GINM1: variants seen among roughly 807,000 people sequenced by gnomAD.
GINM1 encodes glycosylated integral membrane protein 1.
GINM1 carries 29 observed loss-of-function variants against 37.8 expected under a neutral mutation model. The ratio of observed to expected loss-of-function variants is 0.77; its 90% CI spans 0.57 to 1.05. The LOEUF is 1.05. Ranked by LOEUF, GINM1 falls within the 50% of genes least tolerant of loss-of-function variation. The pLI, the probability that GINM1 is intolerant of heterozygous loss-of-function variation, is 0.00. For synonymous variants in GINM1, 143 were observed against 146.2 expected (o/e 0.98, Z 0.16); for missense variants, 377 against 397.9 (o/e 0.95, Z 0.45).
intron 1 of GINM1, among the ~76,000 whole-genome samples, chr6:149,570,736 A>G (rs562554115): frequency 6.6e-6 from 1 of 152,284 alleles, no homozygotes; most frequent in Admixed American, 6.5e-5. Flanking sequence ...CAGTTTTCCT[A>G]TTTTCTAAGT....
Position 149,566,909 on chromosome 6 carries a change from C to G in GINM1, c.120+375C>G, listed in dbSNP as rs1777728806. On this transcript the variant is annotated intron_variant, in intron 1 of 7. Coordinates refer to ENST00000367419, the MANE Select transcript of GINM1 (RefSeq NM_138785.5). The surrounding 1 kb of genome is among the most constrained non-coding windows in gnomAD (Gnocchi z 4.4). ...CTTGGGCAAGGAATGTTTGTGTGCT[C>G]GGGAAGTGTGGAAGTTGCCCACTTC... Among the ~76,000 whole-genome samples, 1 of 152,224 alleles carries G rather than the reference C, an allele frequency of 6.6e-6. No individual in the cohort carries two copies. The highest frequency in any genetic ancestry group is 1.9e-4 in the East Asian group (1 of 5,196).
chr6:149,574,954 C>T (rs1385227514), intron 3 of GINM1, among the ~76,000 whole-genome samples: 2 of 152,142 alleles, frequency 1.3e-5, no homozygotes, highest in Non-Finnish European at 2.9e-5. Flanking sequence ...CACTTAAATT[C>T]CATTTATTCC....
chr6:149,573,441 A>ACAGAT (rs1777860533), intron 3 of GINM1, among the ~76,000 whole-genome samples: 1 of 152,236 alleles, frequency 6.6e-6, no homozygotes, highest in African/African-American at 2.4e-5. Flanking sequence ...AAACACACAC[A>ACAGAT]CAGATCATTA....
chr6:149,590,856 T>C lies in GINM1; in HGVS notation c.*18T>C. On this transcript the variant is annotated 3_prime_UTR_variant, in exon 8 of 8. Transcript: ENST00000367419. Reference sequence around the variant, plus strand: ...GTATTTAAAACGCCATCTCATATCATGGACTCCGAAGTAGCCTGTTGCCTC... The same window carrying C: ...GTATTTAAAACGCCATCTCATATCACGGACTCCGAAGTAGCCTGTTGCCTC... 8.2e-7 allele frequency: 1 copy of C among 1,216,844 alleles called. No individual in the cohort carries two copies. The highest frequency in any genetic ancestry group is 1.2e-6 in the Non-Finnish European group (1 of 826,140). The allele number at this position is 1,216,844 out of a possible 1,614,324, so 75.4% of individuals were successfully genotyped here. A position where few individuals can be genotyped will look rare whatever the true frequency, so the allele number is the denominator to read the frequency against.
intron 6 of GINM1, chr6:149,582,068 A>G (rs1386733047): frequency 2.1e-6 from 1 of 474,274 alleles, no homozygotes; most frequent in African/African-American, 2.0e-5. Flanking sequence ...AGGTACTGGA[A>G]ACAGTTGACT....
At position 149,566,653 on chromosome 6, in the gene GINM1, C is replaced by T. The variant is rs1215933145; in HGVS notation, c.120+119C>T. 4 of 1,307,862 alleles carry T rather than the reference C, an allele frequency of 3.1e-6. No individual in the cohort carries two copies. The highest frequency in any genetic ancestry group is 4.0e-6 in the Non-Finnish European group (4 of 1,007,844). The allele number at this position is 1,307,862 out of a possible 1,614,324, so 81.0% of individuals were successfully genotyped here. On this transcript the variant is annotated intron_variant, in intron 1 of 7. Transcript: ENST00000367419. This position sits in a 1 kb window ranked among gnomAD's most constrained non-coding sequence, Gnocchi z 4.4. ...GGGCAGGGGCGGGGGTCCGGGCCCC[C>T]GAAGGAGGTGTGGGGAGAAGCACCC...
At chr6:149,589,094 G>A (rs893587481) in intron 7 of GINM1, among the ~76,000 whole-genome samples, 8 of 150,994 alleles carry the variant, frequency 5.3e-5, no homozygotes, top group South Asian at 2.1e-4. Flanking sequence ...GTGAGCCACC[G>A]TGCCCAGCCA....
intron 1 of GINM1, among the ~76,000 whole-genome samples, chr6:149,568,777 G>A (rs139087796): frequency 6.6e-6 from 1 of 152,238 alleles, no homozygotes; most frequent in East Asian, 1.9e-4. Flanking sequence ...TTTTATGTAT[G>A]CAGTTGTCAG....
At chr6:149,584,643 AACC>A (rs2115062196) in intron 7 of GINM1, 1 of 152,264 alleles carries the variant, frequency 6.6e-6, no homozygotes, top group African/African-American at 2.4e-5. Context: ...AAATGCTTAG[AACC>A]AAAAGTGTTT....
Position 149,578,899 on chromosome 6 carries a change from T to A in GINM1, c.355T>A (p.Trp119Arg), listed in dbSNP as rs148558124. 3.6e-5 allele frequency: 58 copies of A among 1,602,636 alleles called. No homozygotes were observed. Among genetic ancestry groups the A allele is most frequent in the Middle Eastern group, 1.7e-4 (1 of 6,034 alleles). Residue 119 changes from tryptophan (W) to arginine (R), a missense_variant, in exon 4 of 8, where the codon TGG becomes AGG. Physicochemically the swap from Trp to Arg is moderately radical, Grantham distance 101. Coordinates refer to ENST00000367419, the MANE Select transcript of GINM1 (RefSeq NM_138785.5). Reference protein sequence around the residue: ...IVSVRILVHEWPMTSGSSLQL... With the variant: ...IVSVRILVHERPMTSGSSLQL... ...CAGTGTAAGGATTTTAGTTCATGAG[T>A]GGCCTATGACATCTGGTTCCAGTTT... is the stretch of plus-strand genomic sequence containing the variant.
At position 149,589,493 on chromosome 6, in the gene GINM1, G is replaced by A. The variant is rs1302171224; in HGVS notation, c.882-1234G>A. On this transcript the variant is annotated intron_variant, in intron 7 of 7. Transcript: ENST00000367419. ...TCACCATGTTGGCCAGGCTGGCCTC[G>A]AACTCCTGACCTCAGGTGATCCACC... is the stretch of plus-strand genomic sequence containing the variant. 3.3e-5 allele frequency among the ~76,000 whole-genome samples: 5 copies of A among 151,388 alleles called. No individual in the cohort carries two copies. In the South Asian group the frequency reaches 6.2e-4, roughly 19 times the overall value.
Position 149,566,387 on chromosome 6 carries a change from C to T in GINM1, c.-28C>T, listed in dbSNP as rs376511175. The T allele has an allele frequency of 6.6e-6, 10 of 1,522,064 alleles. No individual in the cohort carries two copies. In the African/African-American group the frequency reaches 1.0e-4, roughly 15 times the overall value. 94.3% of individuals were successfully genotyped at this position (1,522,064 alleles called of 1,614,324 possible). A position where few individuals can be genotyped will look rare whatever the true frequency, so the allele number is the denominator to read the frequency against. ...CGGCTCCGCCCTCACCTCCCGGCCGCGGCTGCCCTCTGCCCGGGTTGTCCA... is the reference window on the plus strand; with the variant it reads ...CGGCTCCGCCCTCACCTCCCGGCCGTGGCTGCCCTCTGCCCGGGTTGTCCA... On this transcript the variant is annotated 5_prime_UTR_variant, in exon 1 of 8. Transcript: ENST00000367419. This position sits in a 1 kb window ranked among gnomAD's most constrained non-coding sequence, Gnocchi z 4.4.
chr6:149,587,339 A>G (rs1019370153), intron 7 of GINM1, among the ~76,000 whole-genome samples: 7 of 152,266 alleles, frequency 4.6e-5, no homozygotes, highest in African/African-American at 1.4e-4. Flanking sequence ...TTCCACCTGG[A>G]CACAGCGTCA....
At chr6:149,580,979 AT>A (rs1183845007) in intron 6 of GINM1, among the ~76,000 whole-genome samples, 1 of 152,112 alleles carries the variant, frequency 6.6e-6, no homozygotes, top group African/African-American at 2.4e-5. Context: ...TTCCACAGTT[AT>A]TTCTCATATC....
chr6:149,585,029 A>G (rs2115062365), intron 7 of GINM1, among the ~76,000 whole-genome samples: 1 of 152,174 alleles, frequency 6.6e-6, no homozygotes, highest in East Asian at 1.9e-4. Flanking sequence ...TGGATTTTGG[A>G]TTAGGGATGC....
At chr6:149,581,362 T>C (rs1040655686) in intron 6 of GINM1, among the ~76,000 whole-genome samples, 1 of 152,200 alleles carries the variant, frequency 6.6e-6, no homozygotes, top group African/African-American at 2.4e-5. Context: ...TTTCACCATG[T>C]TGGCCAGGCT....
chr6:149,583,983 A>AT (rs1402944635), intron 7 of GINM1, among the ~76,000 whole-genome samples: 2 of 151,564 alleles, frequency 1.3e-5, no homozygotes, highest in East Asian at 1.9e-4. Context: ...ATTTTATTTT[A>AT]TTTATTTATT....
chr6:149,591,029 T>C lies in GINM1; in HGVS notation c.*191T>C. ...CTTATTCTCGGCCGGGTGCAGTGGC[T>C]CATGCCTGTAATCCCAGGACTTTGG... On this transcript the variant is annotated 3_prime_UTR_variant, in exon 8 of 8. Transcript: ENST00000367419. The C allele has an allele frequency of 2.0e-6, 1 of 506,132 alleles. No homozygotes were observed. The highest frequency in any genetic ancestry group is 2.5e-5 in the South Asian group (1 of 40,208). The allele number at this position is 506,132 out of a possible 1,614,324, so 31.4% of individuals were successfully genotyped here.
intron 1 of GINM1, among the ~76,000 whole-genome samples, chr6:149,570,386 A>G (rs888993288): frequency 1.3e-5 from 2 of 151,886 alleles, no homozygotes; most frequent in Non-Finnish European, 2.9e-5. Flanking sequence ...CAATGTAGCT[A>G]TCAATCTCAT....
Sources: gnomAD v4.1 joint callset for allele counts (sites outside exome capture counted in the v4.1 genomes callset) on GRCh38, gnomAD v4.1.1 for gene constraint, Gnocchi (gnomAD v3.1) non-coding constraint, MANE v1.5 for transcripts, NCBI Gene and HGNC (gene_info 2026-07-23, HGNC 2026-07-21) for gene names.